Variants in NOB1 observed in about 807,000 individuals in gnomAD.
NOB1 encodes the protein NIN1 (RPN12) binding protein 1 homolog.
NOB1 carries 44 observed loss-of-function variants against 44.8 expected under a neutral mutation model. The ratio of observed to expected loss-of-function variants is 0.98; its 90% confidence interval spans 0.77 to 1.26. The LOEUF is 1.26. Ranked by LOEUF, NOB1 falls within the 50% of genes most tolerant of loss-of-function variation. The probability of loss-of-function intolerance (pLI) is 0.00; values close to 1 mark genes in which losing one functional copy is unlikely to be tolerated. For missense variants in NOB1, 560 were observed against 544.8 expected (o/e 1.03, Z -0.28); for synonymous variants, 238 against 218.7 (o/e 1.09, Z -0.78).
In NOB1 at chr16:69,748,957, G is replaced by A. The variant is rs750933593; in HGVS notation, c.687C>T (p.Asp229=). The change falls in exon 6 of 9, where the codon GAC becomes GAT. Residue 229 remains aspartate, a synonymous_variant. Coordinates refer to ENST00000268802, the MANE Select transcript of NOB1 (RefSeq NM_014062.3). The stretch of plus-strand genomic sequence containing the variant: ...CTGTGGTCAGGCAGCCAACCCGCAC[G>A]TCCTCGGGGACGTCACACTGCTCCA... ...QELEQCDVPE[D]VRVGCLTTDF... The A allele has an allele frequency of 8.1e-6, 13 of 1,613,130 alleles. No individual in the cohort carries two copies. Among genetic ancestry groups the A allele is most frequent in the South Asian group, 5.5e-5 (5 of 90,972 alleles).
At chr16:69,754,757 C>T in intron 1 of NOB1, 31 bp from the exon 2 acceptor site, 1 of 1,613,664 alleles carries the variant, frequency 6.2e-7, no homozygotes, top group Non-Finnish European at 8.5e-7. Flanking sequence ...CTCAGACCCA[C>T]CCGCACCAAG....
intron 7 of NOB1, among the ~76,000 whole-genome samples, chr16:69,745,493 G>A (rs1325857636): frequency 6.6e-6 from 1 of 152,170 alleles, no homozygotes; most frequent in African/African-American, 2.4e-5. Context: ...GTCACACCAC[G>A]AGCTACCTTT....
Position 69,748,681 on chromosome 16 carries a change from AT to A in NOB1, c.726+236del, listed in dbSNP as rs200867542. On this transcript the variant is annotated intron_variant, in intron 6 of 8. Transcript: ENST00000268802. ...TGGCATTATATATACTGAAAAAAAA[AT>A]CATAAAAAAATCATAAATAGTAAAC... 2,563 of 535,792 alleles carry A rather than the reference AT, an allele frequency of 4.8e-3. 39 individuals carry two copies. The highest frequency in any genetic ancestry group is 0.037 in the African/African-American group (1,986 of 52,962). The allele number at this position is 535,792 out of a possible 1,614,324, so 33.2% of individuals were successfully genotyped here. A position where few individuals can be genotyped will look rare whatever the true frequency, so the allele number is the denominator to read the frequency against.
At chr16:69,752,537 T>A (rs577165738) in intron 2 of NOB1, among the ~76,000 whole-genome samples, 166 bp from the exon 3 acceptor site, 1 of 152,194 alleles carries the variant, frequency 6.6e-6, no homozygotes, top group South Asian at 2.1e-4. Flanking sequence ...TTTCATCCAT[T>A]TTCTGACCTT....
intron 7 of NOB1, among the ~76,000 whole-genome samples, chr16:69,747,146 G>A (rs1488355568): frequency 6.6e-6 from 1 of 150,526 alleles, no homozygotes; most frequent in Non-Finnish European, 1.5e-5. Flanking sequence ...GCTTGAACCC[G>A]GGAGGCGAAG....
chr16:69,744,781 T>A (rs998973175), intron 8 of NOB1, 92 bp downstream of exon 8: 2 of 1,402,444 alleles, frequency 1.4e-6, no homozygotes, highest in Admixed American at 4.3e-5. Flanking sequence ...CAATCGCCCA[T>A]CTTGCAGAAA....
At chr16:69,748,796 G>A (rs1260139683) in intron 6 of NOB1, 122 bp downstream of exon 6, 6 of 870,158 alleles carry the variant, frequency 6.9e-6, no homozygotes, top group Non-Finnish European at 8.6e-6. Context: ...AAATGGCACA[G>A]GTGGTTTCCA....
intron 8 of NOB1, among the ~76,000 whole-genome samples, chr16:69,742,872 G>T (rs1179434381): frequency 2.6e-5 from 4 of 152,134 alleles, no homozygotes; most frequent in Non-Finnish European, 5.9e-5. Context: ...ACATTCCAGT[G>T]TGTATTTACA....
At chr16:69,747,163 G>GT (rs1216032776) in intron 7 of NOB1, among the ~76,000 whole-genome samples, 1 of 146,544 alleles carries the variant, frequency 6.8e-6, no homozygotes, top group African/African-American at 2.5e-5. Flanking sequence ...GAAGGTTGCA[G>GT]TGAGTCGTGA....
At position 69,742,603 on chromosome 16, in the gene NOB1, T is replaced by C. The variant is rs760247070; in HGVS notation, c.970-2A>G. Reference sequence around the variant, plus strand: ...CCCTTTGGGAGTGGGAAGCGAGTACTGGAAATAAGACAAGGAAGGGCCATT... The same window carrying C: ...CCCTTTGGGAGTGGGAAGCGAGTACCGGAAATAAGACAAGGAAGGGCCATT... On this transcript the variant is annotated splice_acceptor_variant, in intron 8 of 8. Transcript: ENST00000268802. LOFTEE classifies it high-confidence loss of function. 1.2e-6 allele frequency: 2 copies of C among 1,613,208 alleles called. No individual in the cohort carries two copies. The highest frequency in any genetic ancestry group is 3.3e-5 in the Admixed American group (2 of 59,970).
intron 7 of NOB1, among the ~76,000 whole-genome samples, chr16:69,746,273 C>CG (rs1410557051): frequency 6.6e-6 from 1 of 152,246 alleles, no homozygotes; most frequent in African/African-American, 2.4e-5. Context: ...CAAGGGGCAC[C>CG]ACCAGATGAT....
At position 69,747,018 on chromosome 16, in the gene NOB1, C is replaced by A. The variant is rs150805991; in HGVS notation, c.824+1214G>T. 5.5e-3 allele frequency among the ~76,000 whole-genome samples: 835 copies of A among 151,146 alleles called. 7 individuals are homozygous for A. The highest frequency in any genetic ancestry group is 0.014 in the Admixed American group (204 of 15,108). ...TTCGGCGGATCAGAGGTCAGGAGAT[C>A]AACACTATCCTGGCTAACACGGTGA... On this transcript the variant is annotated intron_variant, in intron 7 of 8. Coordinates refer to ENST00000268802, the MANE Select transcript of NOB1 (RefSeq NM_014062.3).
intron 3 of NOB1, among the ~76,000 whole-genome samples, chr16:69,749,904 G>A (rs920127964): frequency 7.3e-5 from 11 of 151,538 alleles, no homozygotes; most frequent in African/African-American, 2.4e-4. Context: ...CTTGAAACCG[G>A]GAGGCGGAGG....
rs1355717333 is a variant in NOB1, at chr16:69,749,080, C to T, written c.564G>A (p.Glu188=). 6.2e-7 allele frequency: 1 copy of T among 1,614,050 alleles called. No individual in the cohort carries two copies. The highest frequency in any genetic ancestry group is 1.7e-5 in the Admixed American group (1 of 60,024). Residue 188 remains glutamate, a synonymous_variant, in exon 6 of 9, where the codon GAG becomes GAA. Coordinates refer to ENST00000268802, the MANE Select transcript of NOB1 (RefSeq NM_014062.3). The stretch of plus-strand genomic sequence containing the variant: ...TGTCTTCAAACCCGTTTTCTTCCTC[C>T]TCCTCCTCCTCACTTGGAACGTCCT... ...RGEDVPSEEE[E]EEENGFEDRK...
In NOB1 at chr16:69,752,247, T is replaced by C. The variant is rs921650053; in HGVS notation, c.321A>G (p.Pro107=). 6.2e-7 allele frequency: 1 copy of C among 1,611,620 alleles called. No homozygotes were observed. The highest frequency in any genetic ancestry group is 8.5e-7 in the Non-Finnish European group (1 of 1,179,178). The change falls in exon 3 of 9, where the codon CCA becomes CCG. Residue 107 remains proline, a synonymous_variant. Coordinates refer to ENST00000268802, the MANE Select transcript of NOB1 (RefSeq NM_014062.3). The part of the protein sequence containing the change: ...FVGVSHLKQE[P]QKVKVSSSIQ... ...ACCCATCCTCTTGATTTACCTTCTG[T>C]GGTTCTTGTTTTAGGTGAGACACCC...
At position 69,749,631 on chromosome 16, in the gene NOB1, CT is replaced by C; in HGVS notation, c.328-2del. ...GCTGAATCGATGAGCTCACCTTAAC[CT>C]TTAAAAAAACAAAAAACATATACCT... On this transcript the variant is annotated splice_acceptor_variant, in intron 3 of 8. Coordinates refer to ENST00000268802, the MANE Select transcript of NOB1 (RefSeq NM_014062.3). LOFTEE classifies it high-confidence loss of function. 3 of 1,594,580 alleles carry C rather than the reference CT, an allele frequency of 1.9e-6. No homozygotes were observed. Among genetic ancestry groups the C allele is most frequent in the South Asian group, 1.1e-5 (1 of 87,756 alleles).
Position 69,752,475 on chromosome 16 carries a change from A to C in NOB1, c.197-104T>G, listed in dbSNP as rs1388368004. The C allele has an allele frequency of 4.3e-6, 5 of 1,156,776 alleles. No individual in the cohort carries two copies. The African/African-American group carries it at 7.7e-5, about 18-fold the overall frequency. The allele number at this position is 1,156,776 out of a possible 1,614,324, so 71.7% of individuals were successfully genotyped here. On this transcript the variant is annotated intron_variant, in intron 2 of 8. Transcript: ENST00000268802. ...AATTTAGAACAGATCAAAATAATGG[A>C]AGTATCAAAACAATTTAGAAAGGAT...
In NOB1 at chr16:69,742,299, C is replaced by T. The variant is rs775577917; in HGVS notation, c.*33G>A. ...TCACCGGAACTCCACGGCGGCCAGA[C>T]GCCCATCCAATTTGCCTGCGGGAAC... On this transcript the variant is annotated 3_prime_UTR_variant, in exon 9 of 9. Coordinates refer to ENST00000268802, the MANE Select transcript of NOB1 (RefSeq NM_014062.3). 7.9e-5 allele frequency: 126 copies of T among 1,596,920 alleles called. No homozygotes were observed. The Admixed American group carries it at 1.3e-3, about 16-fold the overall frequency.
intron 2 of NOB1, 98 bp from the exon 3 acceptor site, chr16:69,752,469 T>A (rs2038491037): frequency 6.6e-6 from 8 of 1,210,786 alleles, no homozygotes; most frequent in Non-Finnish European, 7.0e-6. Flanking sequence ...CAGATCAAAA[T>A]AATGGAAGTA....
Sources: allele counts gnomAD v4.1 joint callset (sites outside exome capture counted in the v4.1 genomes callset), GRCh38; gene constraint gnomAD v4.1.1; transcripts MANE v1.5; gene names NCBI Gene and HGNC (gene_info 2026-07-23, HGNC 2026-07-21).